USP12: variants seen among roughly 807,000 people sequenced by gnomAD.
USP12 encodes ubiquitin carboxyl-terminal hydrolase 12.
USP12 carries 19 observed loss-of-function variants against 45.5 expected under a neutral mutation model. The ratio of observed to expected loss-of-function variants is 0.42; its 90% confidence interval spans 0.29 to 0.61. The LOEUF is 0.61. USP12 is among the 20% of genes least tolerant of loss of function. The pLI is 0.22. For missense variants in USP12, 242 were observed against 447.7 expected (o/e 0.54, Z 4.15); for synonymous variants, 149 against 148.8 (o/e 1.00, Z -0.01).
chr13:27,152,541 A>G (rs1877618174), intron 1 of USP12, among the ~76,000 whole-genome samples: 1 of 152,234 alleles, frequency 6.6e-6, no homozygotes, highest in African/African-American at 2.4e-5. Flanking sequence ...AGATGATTAA[A>G]ACTGACTGTG....
intron 1 of USP12, among the ~76,000 whole-genome samples, chr13:27,126,025 T>G (rs550544769): frequency 1.0e-3 from 157 of 152,352 alleles, no homozygotes; most frequent in African/African-American, 3.6e-3. Context: ...CTCTCTAGAT[T>G]CCACCTCTGG....
chr13:27,067,345 GTGCATC>G lies in USP12; in HGVS notation c.*1932_*1937del, dbSNP rs1435437853. ...GGTTTAAGCCTTCAAAATAAAAAGA[GTGCATC>G]CACTTCCACTGCCCTGACTTTCCCC... On this transcript the variant is annotated 3_prime_UTR_variant, in exon 9 of 9. Coordinates refer to ENST00000282344, the MANE Select transcript of USP12 (RefSeq NM_182488.4). 1 of 152,080 alleles carries G rather than the reference GTGCATC, an allele frequency of 6.6e-6. No individual in the cohort carries two copies. The highest frequency in any genetic ancestry group is 1.5e-5 in the Non-Finnish European group (1 of 68,028). 9.4% of individuals were successfully genotyped at this position (152,080 alleles called of 1,614,324 possible).
intron 3 of USP12, among the ~76,000 whole-genome samples, chr13:27,097,743 C>T (rs1025180230): frequency 6.6e-6 from 1 of 152,164 alleles, no homozygotes; most frequent in Non-Finnish European, 1.5e-5. Context: ...TAGAATACAA[C>T]AATAGGTTTT....
intron 6 of USP12, among the ~76,000 whole-genome samples, chr13:27,089,076 G>A (rs1020649794): frequency 2.0e-5 from 3 of 152,186 alleles, no homozygotes; most frequent in Admixed American, 1.3e-4. Flanking sequence ...AATCATTAAT[G>A]TCAAGAAAGG....
Position 27,169,219 on chromosome 13 carries a change from A to C in USP12, c.48+2373T>G, listed in dbSNP as rs568223142. The C allele has an allele frequency of 2.0e-5, 3 of 152,306 alleles. No individual in the cohort carries two copies. The East Asian group carries it at 5.8e-4, about 29-fold the overall frequency. The allele number at this position is 152,306 out of a possible 1,614,324, so 9.4% of individuals were successfully genotyped here. ...GTGCTACTGAGATTACAAAAATGCCATGAAACTGTATGAAGGGGATGGAGG... is the reference window on the plus strand; with the variant it reads ...GTGCTACTGAGATTACAAAAATGCCCTGAAACTGTATGAAGGGGATGGAGG... On this transcript the variant is annotated intron_variant, in intron 1 of 8. Transcript: ENST00000282344.
At chr13:27,088,294 T>C (rs1874156060) in intron 6 of USP12, among the ~76,000 whole-genome samples, 1 of 151,872 alleles carries the variant, frequency 6.6e-6, no homozygotes, top group Non-Finnish European at 1.5e-5. Flanking sequence ...CGGGCGCCTG[T>C]AGTCCCAGCT....
At chr13:27,104,147 T>TG (rs1875016890) in intron 3 of USP12, among the ~76,000 whole-genome samples, 1 of 152,078 alleles carries the variant, frequency 6.6e-6, no homozygotes, top group African/African-American at 2.4e-5. Flanking sequence ...CCTGCCACCT[T>TG]AGCCTTCCAA....
intron 6 of USP12, among the ~76,000 whole-genome samples, chr13:27,086,188 A>T (rs1565984532): frequency 9.9e-6 from 1 of 101,218 alleles, no homozygotes; most frequent in Non-Finnish European, 2.0e-5. Context: ...AAAAAAAAAA[A>T]AAAAAAAAAA....
chr13:27,112,749 A>G (rs979672983), intron 2 of USP12, among the ~76,000 whole-genome samples: 3 of 152,186 alleles, frequency 2.0e-5, no homozygotes, highest in African/African-American at 7.2e-5. Flanking sequence ...ACATACAACC[A>G]TATCATATAC....
intron 1 of USP12, among the ~76,000 whole-genome samples, chr13:27,145,484 A>T (rs973057701): frequency 6.6e-6 from 1 of 152,212 alleles, no homozygotes; most frequent in African/African-American, 2.4e-5. Flanking sequence ...AATGCCTGTT[A>T]TTCCAGGTTA....
intron 1 of USP12, among the ~76,000 whole-genome samples, chr13:27,130,676 A>G (rs564850014): frequency 1.6e-4 from 25 of 152,334 alleles, no homozygotes; most frequent in East Asian, 3.9e-4. Flanking sequence ...TATTAAATCA[A>G]TCGTATCAAC....
rs58500654 is a variant in USP12, at chr13:27,109,912, C to CAAAAAAAAAAAAAA, written c.130-3982_130-3969dup. Among the ~76,000 whole-genome samples, 9 of 108,356 alleles carry CAAAAAAAAAAAAAA rather than the reference C, an allele frequency of 8.3e-5. 1 individual carries two copies. The highest frequency in any genetic ancestry group is 3.3e-4 in the African/African-American group (9 of 27,616). The allele number at this position is 108,356 out of a possible 152,430, so 71.1% of individuals were successfully genotyped here. ...GGGCGACACAGTGAGACTCTGTCTC[C>CAAAAAAAAAAAAAA]AAAAAAAAAAAAAAGTCATCTTTGA... On this transcript the variant is annotated intron_variant, in intron 2 of 8. Transcript: ENST00000282344.
chr13:27,106,042 C>A, intron 2 of USP12, 98 bp from the exon 3 acceptor site: 1 of 985,132 alleles, frequency 1.0e-6, no homozygotes, highest in Non-Finnish European at 1.5e-6. Context: ...AGATGACAAT[C>A]GGTTACTACT....
intron 3 of USP12, among the ~76,000 whole-genome samples, chr13:27,097,412 C>G (rs1874641157): frequency 6.6e-6 from 1 of 152,172 alleles, no homozygotes; most frequent in South Asian, 2.1e-4. Flanking sequence ...TTGCAGTGAG[C>G]CGAGATTGCG....
intron 1 of USP12, among the ~76,000 whole-genome samples, chr13:27,147,324 T>A (rs1382879615): frequency 6.6e-6 from 1 of 152,182 alleles, no homozygotes; most frequent in African/African-American, 2.4e-5. Flanking sequence ...TTATTTTAGT[T>A]TGTTTCCAAT....
chr13:27,099,846 A>C (rs1167880517), intron 3 of USP12, among the ~76,000 whole-genome samples: 1 of 152,212 alleles, frequency 6.6e-6, no homozygotes, highest in Non-Finnish European at 1.5e-5. Flanking sequence ...AGCCTTTAGC[A>C]AAATCCCCAT....
At position 27,068,083 on chromosome 13, in the gene USP12, G is replaced by A. The variant is rs1490674297; in HGVS notation, c.*1200C>T. On this transcript the variant is annotated 3_prime_UTR_variant, in exon 9 of 9. Coordinates refer to ENST00000282344, the MANE Select transcript of USP12 (RefSeq NM_182488.4). ...TTGATTAAAATTTAATCTTTGAAGG[G>A]TTTGTTTAGCTCACTATCCAGGCTG... The A allele has an allele frequency of 6.6e-6, 1 of 152,204 alleles. No homozygotes were observed. Among genetic ancestry groups the A allele is most frequent in the South Asian group, 2.1e-4 (1 of 4,818 alleles). 9.4% of individuals were successfully genotyped at this position (152,204 alleles called of 1,614,324 possible).
intron 1 of USP12, among the ~76,000 whole-genome samples, chr13:27,156,019 A>G (rs1877822997): frequency 6.6e-6 from 1 of 152,196 alleles, no homozygotes; most frequent in South Asian, 2.1e-4. Flanking sequence ...TGAAGCCCTA[A>G]TGAAACACTG....
At chr13:27,141,012 C>CTTTTTTT (rs11455614) in intron 1 of USP12, among the ~76,000 whole-genome samples, 2 of 122,562 alleles carry the variant, frequency 1.6e-5, no homozygotes, top group African/African-American at 3.0e-5. Flanking sequence ...TGTGAAGTCA[C>CTTTTTTT]TTTTTTTTTT....
Sources: allele counts gnomAD v4.1 joint callset (sites outside exome capture counted in the v4.1 genomes callset), GRCh38; gene constraint gnomAD v4.1.1; transcripts MANE v1.5; gene names NCBI Gene and HGNC (gene_info 2026-07-23, HGNC 2026-07-21).